CSMD1: variants seen among roughly 807,000 people sequenced by gnomAD.
CSMD1 encodes the protein CUB and Sushi multiple domains 1.
CSMD1 carries 213 observed loss-of-function variants against 417.5 expected under a neutral mutation model. The observed-to-expected ratio is 0.51, with a 90% confidence interval of 0.46 to 0.57. CSMD1 has a LOEUF of 0.57. CSMD1 is among the 20% of genes least tolerant of loss of function. CSMD1 has a pLI of 0.00. For synonymous variants in CSMD1, 2,862 were observed against 1,736.8 expected, an observed-to-expected ratio of 1.65 and a Z score of -16.11; for missense variants, 6,923 against 4,529.7, an observed-to-expected ratio of 1.53 and a Z score of -15.17.
Position 2,963,276 on chromosome 8 carries a change from T to A in CSMD1, c.9400A>T (p.Ile3134Phe), listed in dbSNP as rs1348883961. 6.2e-7 allele frequency: 1 copy of A among 1,613,930 alleles called. No homozygotes were observed. The highest frequency in any genetic ancestry group is 8.5e-7 in the Non-Finnish European group (1 of 1,179,864). Residue 3134 changes from isoleucine to phenylalanine, a missense_variant, in exon 60 of 70, where the codon ATC becomes TTC. Coordinates refer to ENST00000635120, the MANE Select transcript of CSMD1 (RefSeq NM_033225.6). ...MDGYQLSHSA[I>F]LSCEGRGVWK... The stretch of plus-strand genomic sequence containing the variant: ...ACCCCGCGACCTTCACAGGAGAGGA[T>A]GGCGGAGTGAGAGAGCTGGTAACCG...
intron 42 of CSMD1, among the ~76,000 whole-genome samples, chr8:3,115,579 A>C (rs1295329616): frequency 1.3e-5 from 2 of 152,128 alleles, no homozygotes; most frequent in African/African-American, 4.8e-5. Flanking sequence ...TAATGTCTTC[A>C]ATTTCTCAGA....
At chr8:3,099,779 T>C (rs1815600216) in intron 46 of CSMD1, among the ~76,000 whole-genome samples, 1 of 152,156 alleles carries the variant, frequency 6.6e-6, no homozygotes, top group Non-Finnish European at 1.5e-5. Context: ...GAAATGCTGA[T>C]TTTGTTTCTT....
chr8:3,191,492 G>A (rs185759407), intron 33 of CSMD1, among the ~76,000 whole-genome samples: 2 of 152,018 alleles, frequency 1.3e-5, no homozygotes, highest in African/African-American at 2.4e-5. Flanking sequence ...AGCCCCTCCA[G>A]TTCTCTCTTG....
intron 5 of CSMD1, among the ~76,000 whole-genome samples, chr8:3,798,454 C>T (rs570406490): frequency 6.6e-6 from 1 of 152,100 alleles, no homozygotes; most frequent in East Asian, 1.9e-4. Context: ...ATTTTGATTT[C>T]AGGAACCACT....
intron 1 of CSMD1, among the ~76,000 whole-genome samples, chr8:4,896,214 G>C (rs532230314): frequency 6.6e-6 from 1 of 152,084 alleles, no homozygotes; most frequent in East Asian, 1.9e-4. Flanking sequence ...TGTCTTGTCA[G>C]TCTGGTTCTT....
intron 10 of CSMD1, among the ~76,000 whole-genome samples, chr8:3,555,504 G>A (rs572592446): frequency 6.6e-6 from 1 of 152,152 alleles, no homozygotes; most frequent in Admixed American, 6.5e-5. Flanking sequence ...TAAATTCTAT[G>A]CACTGAGCCC....
At chr8:3,013,036 C>T (rs552833505) in intron 52 of CSMD1, among the ~76,000 whole-genome samples, 6 of 152,292 alleles carry the variant, frequency 3.9e-5, no homozygotes, top group African/African-American at 1.4e-4. Context: ...TTACCTTCCA[C>T]CATGATTGTG....
intron 3 of CSMD1, among the ~76,000 whole-genome samples, chr8:4,305,422 GA>G (rs1798193215): frequency 6.6e-6 from 1 of 152,120 alleles, no homozygotes. Flanking sequence ...AAGTGAAAGG[GA>G]TAATCGACTA....
At chr8:3,093,192 G>C (rs760292748) in intron 47 of CSMD1, among the ~76,000 whole-genome samples, 5 of 152,246 alleles carry the variant, frequency 3.3e-5, no homozygotes, top group Non-Finnish European at 7.4e-5. Flanking sequence ...GGTTAAACGA[G>C]GTAGTATGGG....
chr8:4,185,952 C>G (rs927439812), intron 3 of CSMD1, among the ~76,000 whole-genome samples: 1 of 152,118 alleles, frequency 6.6e-6, no homozygotes, highest in Non-Finnish European at 1.5e-5. Context: ...AGCTTAAGGT[C>G]TACGGTGGAA....
intron 5 of CSMD1, among the ~76,000 whole-genome samples, chr8:3,945,049 T>C (rs1192515748): frequency 6.6e-6 from 1 of 152,180 alleles, no homozygotes; most frequent in East Asian, 1.9e-4. Context: ...GAGAGAGCTC[T>C]ATAATCCCTC....
intron 3 of CSMD1, among the ~76,000 whole-genome samples, chr8:4,260,780 C>T (rs1440738074): frequency 2.6e-5 from 4 of 152,134 alleles, no homozygotes; most frequent in Non-Finnish European, 4.4e-5. Flanking sequence ...GGACATACAA[C>T]TTGAGCACTG....
intron 18 of CSMD1, among the ~76,000 whole-genome samples, chr8:3,384,886 T>A (rs1318536963): frequency 3.1e-4 from 38 of 122,290 alleles, no homozygotes; most frequent in Admixed American, 1.3e-3. Flanking sequence ...TATATGCAAA[T>A]ATATAATATA....
chr8:3,382,143 C>T lies in CSMD1; in HGVS notation c.2782+5351G>A, dbSNP rs113312521. Reference sequence around the variant, plus strand: ...GCATGGTGGTGGGAGCCTGTAATCCCGGCTGCTCGGGAGGCTGAGGCAGGG... The same window carrying T: ...GCATGGTGGTGGGAGCCTGTAATCCTGGCTGCTCGGGAGGCTGAGGCAGGG... On this transcript the variant is annotated intron_variant, in intron 18 of 69. Transcript: ENST00000635120. Among the ~76,000 whole-genome samples, 1,115 of 151,866 alleles carry T rather than the reference C, an allele frequency of 7.3e-3. 25 individuals are homozygous for T. The highest frequency in any genetic ancestry group is 0.025 in the African/African-American group (1,050 of 41,398).
intron 5 of CSMD1, among the ~76,000 whole-genome samples, chr8:3,813,142 C>G (rs778479747): frequency 2.2e-4 from 32 of 147,468 alleles, no homozygotes; most frequent in Non-Finnish European, 3.3e-4. Context: ...TATGTTCCCA[C>G]TGGCATTGTA....
intron 3 of CSMD1, among the ~76,000 whole-genome samples, chr8:4,042,815 T>TTAA (rs1487345501): frequency 1.5e-4 from 6 of 41,312 alleles, no homozygotes; most frequent in Non-Finnish European, 2.1e-4. Context: ...TACAACATAT[T>TTAA]AAAAAAAAAA....
chr8:4,180,333 A>T (rs527374097), intron 3 of CSMD1, among the ~76,000 whole-genome samples: 3 of 151,152 alleles, frequency 2.0e-5, no homozygotes, highest in Admixed American at 6.6e-5. Flanking sequence ...AAGGACAAAA[A>T]ACCAAACAAT....
chr8:3,842,128 G>A (rs1232800202), intron 5 of CSMD1, among the ~76,000 whole-genome samples: 1 of 152,056 alleles, frequency 6.6e-6, no homozygotes, highest in Non-Finnish European at 1.5e-5. Flanking sequence ...ATTCAACCCC[G>A]ATCTCTTCTC....
chr8:3,014,675 A>G (rs918516045), intron 52 of CSMD1, among the ~76,000 whole-genome samples: 1 of 152,150 alleles, frequency 6.6e-6, no homozygotes, highest in Admixed American at 6.5e-5. Flanking sequence ...CACTTTGGGA[A>G]CCTAAGGCAG....
Sources: allele counts gnomAD v4.1 joint callset (sites outside exome capture counted in the v4.1 genomes callset), GRCh38; gene constraint gnomAD v4.1.1; transcripts MANE v1.5; gene names NCBI Gene and HGNC (gene_info 2026-07-23, HGNC 2026-07-21).